The following COL23A1 variants were observed in gnomAD, a reference collection of about 807,000 sequenced individuals.
The protein encoded by COL23A1 is collagen alpha-1(XXIII) chain.
A neutral mutation model predicts 99.3 loss-of-function variants in COL23A1; 97 were observed. The observed-to-expected ratio is 0.98, with a 90% CI of 0.83 to 1.16. The LOEUF is 1.16. Ranked by LOEUF, COL23A1 falls within the 50% of genes most tolerant of loss-of-function variation. The pLI is 0.00. For missense variants in COL23A1, 762 were observed against 757.4 expected (o/e 1.01, Z -0.07); for synonymous variants, 320 against 308.2 (o/e 1.04, Z -0.40).
At position 178,307,341 on chromosome 5, in the gene COL23A1, A is replaced by G. The variant is rs1240554543; in HGVS notation, c.362-422T>C. The stretch of plus-strand genomic sequence containing the variant: ...TGACAAACGCTGCTTCATATTCACT[A>G]AAGTAAAACAACAAAGCCAACACAA... On this transcript the variant is annotated intron_variant, in intron 2 of 28. Transcript: ENST00000390654. This position sits in a 1 kb window ranked among gnomAD's most constrained non-coding sequence, Gnocchi z 4.2. Among the ~76,000 whole-genome samples, 1 of 152,228 alleles carries G rather than the reference A, an allele frequency of 6.6e-6. No individual in the cohort carries two copies. The highest frequency in any genetic ancestry group is 2.4e-5 in the African/African-American group (1 of 41,464).
chr5:178,344,851 G>T, intron 2 of COL23A1: 1 of 749,930 alleles, frequency 1.3e-6, no homozygotes, highest in Non-Finnish European at 2.3e-6. Flanking sequence ...AGATGGCGGG[G>T]CGATCTGTGT....
At chr5:178,362,974 CA>C (rs1762255781) in intron 2 of COL23A1, among the ~76,000 whole-genome samples, 1 of 107,902 alleles carries the variant, frequency 9.3e-6, no homozygotes, top group African/African-American at 3.6e-5. Flanking sequence ...CCCACCCCCA[CA>C]GCAACCCACC....
intron 2 of COL23A1, among the ~76,000 whole-genome samples, chr5:178,486,291 C>T (rs2127960717): frequency 6.6e-6 from 1 of 152,290 alleles, no homozygotes; most frequent in Non-Finnish European, 1.5e-5. Context: ...GCTGCTCAGG[C>T]CCCTCACCGG....
At chr5:178,256,729 G>T in intron 14 of COL23A1, 137 bp downstream of exon 14, 1 of 805,812 alleles carries the variant, frequency 1.2e-6, no homozygotes, top group Non-Finnish European at 1.9e-6. Flanking sequence ...TTCTGAGAGT[G>T]CTGAGGGAGA....
At chr5:178,499,241 T>C (rs1380920733) in intron 2 of COL23A1, among the ~76,000 whole-genome samples, 1 of 152,078 alleles carries the variant, frequency 6.6e-6, no homozygotes, top group African/African-American at 2.4e-5. Context: ...AACGCGCCTA[T>C]GAAACCGGAC....
At chr5:178,510,236 G>C (rs1412207619) in intron 2 of COL23A1, among the ~76,000 whole-genome samples, 12 of 152,244 alleles carry the variant, frequency 7.9e-5, no homozygotes, top group Admixed American at 5.9e-4. Flanking sequence ...CAGTTAAGTT[G>C]ACAGAATTAG....
intron 2 of COL23A1, among the ~76,000 whole-genome samples, chr5:178,373,494 G>T (rs916359659): frequency 8.5e-5 from 13 of 152,258 alleles, no homozygotes; most frequent in African/African-American, 3.1e-4. Context: ...TCGGCTCACT[G>T]CAACCTCCGC....
At chr5:178,352,691 T>C (rs1160561544) in intron 2 of COL23A1, among the ~76,000 whole-genome samples, 1 of 152,240 alleles carries the variant, frequency 6.6e-6, no homozygotes, top group Non-Finnish European at 1.5e-5. Flanking sequence ...CTAAAAACTC[T>C]GGAAGATGCA....
rs1188237649 is a variant in COL23A1 at position 178,590,075 on chromosome 5, C to G, written c.123G>C (p.Leu41=). The change falls in exon 1 of 29, where the codon CTG becomes CTC. Residue 41 remains leucine, a synonymous_variant. Coordinates refer to ENST00000390654, the MANE Select transcript of COL23A1 (RefSeq NM_173465.4). The surrounding 1 kb of genome is among the most constrained non-coding windows in gnomAD (Gnocchi z 5.7). The part of the protein sequence containing the change: ...AGSRAVSALC[L]LLSVGSAAAC... The stretch of plus-strand genomic sequence containing the variant: ...CAGCCGCCGAGCCCACGGAGAGCAG[C>G]AGGCACAGCGCGCTCACCGCCCGGG... 7.5e-7 allele frequency: 1 copy of G among 1,328,178 alleles called. No homozygotes were observed. The highest frequency in any genetic ancestry group is 3.4e-5 in the East Asian group (1 of 29,314). The allele number at this position is 1,328,178 out of a possible 1,614,324, so 82.3% of individuals were successfully genotyped here. A position where few individuals can be genotyped will look rare whatever the true frequency, so the allele number is the denominator to read the frequency against.
chr5:178,311,356 G>A (rs1378866208), intron 2 of COL23A1, among the ~76,000 whole-genome samples: 1 of 152,162 alleles, frequency 6.6e-6, no homozygotes, highest in African/African-American at 2.4e-5. Context: ...TGAACCAGAT[G>A]AGCTGGCAGC....
At chr5:178,588,623 T>A (rs753810024) in intron 1 of COL23A1, among the ~76,000 whole-genome samples, 4 of 152,110 alleles carry the variant, frequency 2.6e-5, no homozygotes, top group African/African-American at 4.8e-5. Context: ...AAATAGGAAA[T>A]CATTTCATGA....
intron 13 of COL23A1, among the ~76,000 whole-genome samples, chr5:178,257,304 C>A (rs1036960790): frequency 2.6e-5 from 4 of 152,140 alleles, no homozygotes; most frequent in African/African-American, 9.7e-5. Context: ...AAGATGGAAA[C>A]AAGAGGGCTT....
rs1337753559 is a variant in COL23A1, at chr5:178,525,669, CA to C, written c.361+35012del. ...AAATGGCGACACAGCGCGCAGACCC[CA>C]GGACCCGAAGGCTAAGCTCACATGG... On this transcript the variant is annotated intron_variant, in intron 2 of 28. Transcript: ENST00000390654. Among the ~76,000 whole-genome samples, 199 of 83,486 alleles carry C rather than the reference CA, an allele frequency of 2.4e-3. 15 individuals are homozygous for C. The highest frequency in any genetic ancestry group is 3.7e-3 in the Non-Finnish European group (154 of 41,494). 54.8% of individuals were successfully genotyped at this position (83,486 alleles called of 152,430 possible).
intron 13 of COL23A1, 150 bp from the exon 14 acceptor site, chr5:178,257,078 A>G: frequency 1.5e-6 from 1 of 687,170 alleles, no homozygotes; most frequent in South Asian, 1.9e-5. Context: ...GGGCGGATGG[A>G]CCTCAGGCCT....
In COL23A1 at chr5:178,305,714, C is replaced by A. The variant is rs377442163; in HGVS notation, c.406+1161G>T. Among the ~76,000 whole-genome samples, 6 of 152,050 alleles carry A rather than the reference C, an allele frequency of 3.9e-5. No individual in the cohort carries two copies. The East Asian group carries it at 1.2e-3, about 29-fold the overall frequency. On this transcript the variant is annotated intron_variant, in intron 3 of 28. Coordinates refer to ENST00000390654, the MANE Select transcript of COL23A1 (RefSeq NM_173465.4). The stretch of plus-strand genomic sequence containing the variant: ...GAGTGAAGGCTCAGAAGGTGGAGAG[C>A]CCTGGACATCCATGGTGAGGCTGGA...
chr5:178,259,654 G>C, intron 12 of COL23A1, 67 bp downstream of exon 12: 2 of 943,584 alleles, frequency 2.1e-6, no homozygotes, highest in Non-Finnish European at 3.1e-6. Context: ...TTCCGTCCCA[G>C]CCCCTGCCCT....
At chr5:178,482,029 A>G (rs1757368328) in intron 2 of COL23A1, among the ~76,000 whole-genome samples, 1 of 151,944 alleles carries the variant, frequency 6.6e-6, no homozygotes, top group Non-Finnish European at 1.5e-5. Context: ...AATTAAAAAA[A>G]AAAAAAGGCG....
intron 2 of COL23A1, among the ~76,000 whole-genome samples, chr5:178,515,678 C>T (rs1451592145): frequency 6.6e-6 from 1 of 152,170 alleles, no homozygotes; most frequent in Non-Finnish European, 1.5e-5. Context: ...CTCTGCTGGA[C>T]CCTAGGTCTA....
chr5:178,505,623 G>A (rs563602498), intron 2 of COL23A1, among the ~76,000 whole-genome samples: 57 of 152,258 alleles, frequency 3.7e-4, no homozygotes, highest in African/African-American at 1.3e-3. Flanking sequence ...ATGTTAACTT[G>A]ATCATGTGCA....
Sources: allele counts gnomAD v4.1 joint callset (sites outside exome capture counted in the v4.1 genomes callset), GRCh38; gene constraint gnomAD v4.1.1; non-coding constraint Gnocchi (gnomAD v3.1); transcripts MANE v1.5; gene names NCBI Gene and HGNC (gene_info 2026-07-23, HGNC 2026-07-21).